The following PEBP4 variants were observed in gnomAD, a reference collection of about 807,000 sequenced individuals.
PEBP4 encodes the protein phosphatidylethanolamine-binding protein 4.
A neutral mutation model predicts 23.9 loss-of-function variants in PEBP4; 22 were observed. The observed-to-expected ratio is 0.92, with a 90% CI of 0.66 to 1.31. PEBP4 has a LOEUF of 1.31. Among genes scored for constraint, PEBP4 ranks in the 40% most tolerant of loss-of-function variants. The probability of loss-of-function intolerance (pLI) is 0.00; values close to 1 mark genes in which losing one functional copy is unlikely to be tolerated. For missense variants in PEBP4, 324 were observed against 281.7 expected (o/e 1.15, Z -1.07); for synonymous variants, 112 against 99.3 (o/e 1.13, Z -0.76).
At chr8:22,741,199 G>A (rs981440745) in intron 4 of PEBP4, among the ~76,000 whole-genome samples, 10 of 152,176 alleles carry the variant, frequency 6.6e-5, no homozygotes, top group Admixed American at 2.6e-4. Context: ...TCCCTCCTCC[G>A]AGGTGCCCAA....
At chr8:22,782,231 A>G (rs919935775) in intron 4 of PEBP4, among the ~76,000 whole-genome samples, 3 of 152,190 alleles carry the variant, frequency 2.0e-5, no homozygotes, top group Non-Finnish European at 4.4e-5. Context: ...AAAGGCCACA[A>G]TGTTGATCTT....
At chr8:22,737,159 T>A (rs1193492303) in intron 4 of PEBP4, among the ~76,000 whole-genome samples, 1 of 151,908 alleles carries the variant, frequency 6.6e-6, no homozygotes, top group Non-Finnish European at 1.5e-5. Context: ...CAAGGCGTGG[T>A]GGCAGGCGCC....
intron 3 of PEBP4, among the ~76,000 whole-genome samples, chr8:22,840,160 G>T (rs1328583612): frequency 6.6e-6 from 1 of 152,158 alleles, no homozygotes; most frequent in Non-Finnish European, 1.5e-5. Flanking sequence ...ATCTAACCGT[G>T]ATCACAGTGT....
intron 4 of PEBP4, among the ~76,000 whole-genome samples, chr8:22,804,009 T>G (rs1465561740): frequency 1.3e-5 from 2 of 152,166 alleles, no homozygotes; most frequent in Non-Finnish European, 2.9e-5. Flanking sequence ...CCACTCCACA[T>G]AGCAGCTAGA....
chr8:22,932,277 T>G (rs1393465319), upstream of PEBP4, among the ~76,000 whole-genome samples: 1 of 148,746 alleles, frequency 6.7e-6, no homozygotes, highest in Non-Finnish European at 1.5e-5. Context: ...ATGGGGATGA[T>G]AGCTAAAGGG....
At position 22,749,805 on chromosome 8, in the gene PEBP4, C is replaced by CTTTTTTTTTTTTTTTTTTTTTTTTTTTT. The variant is rs71206545; in HGVS notation, c.358-22586_358-22585insAAAAAAAAAAAAAAAAAAAAAAAAAAAA. 5.5e-4 allele frequency among the ~76,000 whole-genome samples: 46 copies of CTTTTTTTTTTTTTTTTTTTTTTTTTTTT among 83,752 alleles called. 14 individuals are homozygous for CTTTTTTTTTTTTTTTTTTTTTTTTTTTT. Among genetic ancestry groups the CTTTTTTTTTTTTTTTTTTTTTTTTTTTT allele is most frequent in the South Asian group, 1.4e-3 (3 of 2,214 alleles). 54.9% of individuals were successfully genotyped at this position (83,752 alleles called of 152,430 possible). Reference sequence around the variant, plus strand: ...CTCTCCTGATTCTCAGTTTGTCATTCTTTTTTTTTTTTTTTTTTGAGATGG... The same window carrying CTTTTTTTTTTTTTTTTTTTTTTTTTTTT: ...CTCTCCTGATTCTCAGTTTGTCATTCTTTTTTTTTTTTTTTTTTTTTTTTTTTTTTTTTTTTTTTTTTTTTTGAGATGG... On this transcript the variant is annotated intron_variant, in intron 4 of 6. Coordinates refer to ENST00000256404, the MANE Select transcript of PEBP4 (RefSeq NM_144962.3).
chr8:22,725,872 C>T (rs1191405322), intron 5 of PEBP4, among the ~76,000 whole-genome samples: 2 of 152,194 alleles, frequency 1.3e-5, no homozygotes, highest in African/African-American at 2.4e-5. Context: ...GCACGACTTG[C>T]TGCTTGGAGC....
intron 3 of PEBP4, among the ~76,000 whole-genome samples, chr8:22,847,712 G>A (rs966699901): frequency 6.6e-6 from 1 of 152,172 alleles, no homozygotes; most frequent in Admixed American, 6.5e-5. Context: ...TACAAAGATG[G>A]TTGTCACCCC....
chr8:22,876,674 T>C (rs1563245889), intron 3 of PEBP4, among the ~76,000 whole-genome samples: 1 of 152,252 alleles, frequency 6.6e-6, no homozygotes, highest in Non-Finnish European at 1.5e-5. Context: ...CTTGTGTTGT[T>C]GTGAAAATAA....
intron 3 of PEBP4, among the ~76,000 whole-genome samples, chr8:22,906,928 G>A (rs1482445970): frequency 6.6e-6 from 1 of 152,194 alleles, no homozygotes; most frequent in Non-Finnish European, 1.5e-5. Context: ...GTTAGAAGGT[G>A]GTGAAGGAAA....
Position 22,817,695 on chromosome 8 carries a change from G to GACA in PEBP4, c.298_299insTGT (p.Pro100delinsLeuSer). 2 of 1,614,174 alleles carry GACA rather than the reference G, an allele frequency of 1.2e-6. No homozygotes were observed. The highest frequency in any genetic ancestry group is 1.7e-6 in the Non-Finnish European group (2 of 1,180,030). On this transcript the variant is annotated protein_altering_variant, in exon 4 of 7. Coordinates refer to ENST00000256404, the MANE Select transcript of PEBP4 (RefSeq NM_144962.3). ...TCTCTGTCTGGGTTCTGCTCTGCTA[G>GACA]GGGCATCTGGATCCACCATCACCAG...
chr8:22,794,881 C>T (rs1806210965), intron 4 of PEBP4, among the ~76,000 whole-genome samples: 1 of 151,820 alleles, frequency 6.6e-6, no homozygotes, highest in South Asian at 2.1e-4. Flanking sequence ...ATAGCTAATC[C>T]ATTTACTTAC....
rs147828166 is a variant in PEBP4, at chr8:22,905,275, C to CT, written c.258+14908dup. Among the ~76,000 whole-genome samples the CT allele has an allele frequency of 7.4e-4, 111 of 149,972 alleles. 1 individual carries two copies. In the East Asian group the frequency reaches 0.015, roughly 20 times the overall value. On this transcript the variant is annotated intron_variant, in intron 3 of 6. Coordinates refer to ENST00000256404, the MANE Select transcript of PEBP4 (RefSeq NM_144962.3). ...CTTTCTATAATCACCCATTAACATCCTTTTTTTTTAAAAAAAAAAATAGGC... is the reference window on the plus strand; with the variant it reads ...CTTTCTATAATCACCCATTAACATCCTTTTTTTTTTAAAAAAAAAAATAGGC...
At chr8:22,932,960 G>A (rs1055088808) in intron 1 of PEBP4, among the ~76,000 whole-genome samples, 16 of 146,454 alleles carry the variant, frequency 1.1e-4, no homozygotes, top group East Asian at 5.9e-4. Flanking sequence ...AGCCAAGATC[G>A]TACTACTGCA....
intron 4 of PEBP4, among the ~76,000 whole-genome samples, chr8:22,740,631 G>A (rs1165349302): frequency 6.6e-6 from 1 of 152,162 alleles, no homozygotes; most frequent in African/African-American, 2.4e-5. Context: ...GCTGTGGTGG[G>A]AACCATCTGA....
intron 6 of PEBP4, among the ~76,000 whole-genome samples, chr8:22,722,149 C>G (rs1035730866): frequency 6.6e-6 from 1 of 151,414 alleles, no homozygotes; most frequent in Admixed American, 6.6e-5. Flanking sequence ...TTCTGAGAAC[C>G]TTGTTTTTCC....
At position 22,715,747 on chromosome 8, in the gene PEBP4, C is replaced by T. The variant is rs532771478; in HGVS notation, c.518-2211G>A. ...AGCTCCTGAAACCCAGTCCCCGTGC[C>T]GGCTAGCCTCTTGCTGCCTCCTTTC... On this transcript the variant is annotated intron_variant, in intron 6 of 6. Transcript: ENST00000256404. 1.3e-3 allele frequency among the ~76,000 whole-genome samples: 203 copies of T among 152,312 alleles called. 2 individuals are homozygous for T. Among genetic ancestry groups the T allele is most frequent in the African/African-American group, 4.4e-3 (183 of 41,568 alleles).
chr8:22,715,952 G>A (rs760048778), intron 6 of PEBP4, among the ~76,000 whole-genome samples: 1 of 152,158 alleles, frequency 6.6e-6, no homozygotes, highest in Non-Finnish European at 1.5e-5. Context: ...TGCTGTCCCC[G>A]AGAGGCAGAG....
rs60953053 is a variant in PEBP4 at position 22,856,713 on chromosome 8, C to CTAAATAAA, written c.259-38986_259-38979dup. On this transcript the variant is annotated intron_variant, in intron 3 of 6. Coordinates refer to ENST00000256404, the MANE Select transcript of PEBP4 (RefSeq NM_144962.3). ...CCTGGGCAATAGAGGGAAACTGTCTCTAAATAAATAAATAAATAAATAAAT... is the reference window on the plus strand; with the variant it reads ...CCTGGGCAATAGAGGGAAACTGTCTCTAAATAAATAAATAAATAAATAAATAAATAAAT... Among the ~76,000 whole-genome samples, 486 of 151,406 alleles carry CTAAATAAA rather than the reference C, an allele frequency of 3.2e-3. 1 individual carries two copies. The highest frequency in any genetic ancestry group is 0.017 in the Middle Eastern group (5 of 292).
Sources: gnomAD v4.1 joint callset for allele counts (sites outside exome capture counted in the v4.1 genomes callset) on GRCh38, gnomAD v4.1.1 for gene constraint, MANE v1.5 for transcripts, NCBI Gene and HGNC (gene_info 2026-07-23, HGNC 2026-07-21) for gene names.